INSR: variants seen among roughly 807,000 people sequenced by gnomAD.
INSR encodes the protein IR.
INSR carries 67 observed loss-of-function variants against 142.6 expected under a neutral mutation model. The ratio of observed to expected loss-of-function variants is 0.47; its 90% CI spans 0.39 to 0.58. The LOEUF (loss-of-function observed/expected upper bound fraction) is 0.58. Ranked by LOEUF, INSR falls within the 20% of genes least tolerant of loss-of-function variation. The pLI is 0.00. For missense variants in INSR, 1,248 were observed against 1,833.2 expected, an observed-to-expected ratio of 0.68 and a Z score of 5.83; for synonymous variants, 756 against 743.1, an observed-to-expected ratio of 1.02 and a Z score of -0.28.
chr19:7,229,636 C>T (rs1312083697), intron 2 of INSR, among the ~76,000 whole-genome samples: 1 of 152,080 alleles, frequency 6.6e-6, no homozygotes, highest in Non-Finnish European at 1.5e-5. Flanking sequence ...TTTCCTTTTC[C>T]TTTGCTTCCC....
rs747276964 is a variant in INSR, at chr19:7,112,795, T to G, written c.*4261A>C. 6.6e-6 allele frequency: 1 copy of G among 152,002 alleles called. No homozygotes were observed. Among genetic ancestry groups the G allele is most frequent in the African/African-American group, 2.4e-5 (1 of 41,384 alleles). The allele number at this position is 152,002 out of a possible 1,614,324, so 9.4% of individuals were successfully genotyped here. Reference sequence around the variant, plus strand: ...CCTCACTCCCATTTCTCGGGGACCCTTAAGGAAATATTCACCTTCCATTGC... The same window carrying G: ...CCTCACTCCCATTTCTCGGGGACCCGTAAGGAAATATTCACCTTCCATTGC... On this transcript the variant is annotated 3_prime_UTR_variant, in exon 22 of 22. Coordinates refer to ENST00000302850, the MANE Select transcript of INSR (RefSeq NM_000208.4).
chr19:7,120,960 G>C (rs1015507626), intron 19 of INSR, among the ~76,000 whole-genome samples: 1 of 152,042 alleles, frequency 6.6e-6, no homozygotes, highest in Non-Finnish European at 1.5e-5. Context: ...TTTAAAGGGA[G>C]GGAAAAGAAG....
At chr19:7,158,702 A>G (rs1973675652) in intron 9 of INSR, among the ~76,000 whole-genome samples, 1 of 152,144 alleles carries the variant, frequency 6.6e-6, no homozygotes, top group African/African-American at 2.4e-5. Flanking sequence ...AACCACGGCA[A>G]TGCACTTAAT....
intron 13 of INSR, among the ~76,000 whole-genome samples, chr19:7,135,767 G>A (rs959046433): frequency 6.6e-6 from 1 of 151,890 alleles, no homozygotes; most frequent in Admixed American, 6.6e-5. Flanking sequence ...TCAGGAGTTT[G>A]AGACCAGCCT....
chr19:7,266,707 T>C (rs566183473), intron 2 of INSR, among the ~76,000 whole-genome samples: 41 of 152,102 alleles, frequency 2.7e-4, no homozygotes, highest in African/African-American at 9.9e-4. Context: ...TAATGCCCAA[T>C]AACAGGAATG....
At position 7,278,728 on chromosome 19, in the gene INSR, G is replaced by A. The variant is rs189314302; in HGVS notation, c.101-10832C>T. Among the ~76,000 whole-genome samples, 352 of 151,458 alleles carry A rather than the reference G, an allele frequency of 2.3e-3. 1 individual carries two copies. Among genetic ancestry groups the A allele is most frequent in the African/African-American group, 7.7e-3 (316 of 41,210 alleles). ...ATGAAAATTAGCCTGGTGTGGTGGC[G>A]TGTGCCTGTAATCCCAGCACTTTGG... On this transcript the variant is annotated intron_variant, in intron 1 of 21. Transcript: ENST00000302850.
At chr19:7,233,274 G>A (rs914994719) in intron 2 of INSR, among the ~76,000 whole-genome samples, 2 of 152,108 alleles carry the variant, frequency 1.3e-5, no homozygotes, top group East Asian at 1.9e-4. Context: ...GATTACAGGC[G>A]TGAGCCACCA....
chr19:7,240,627 AAAATCTT>A, intron 2 of INSR, among the ~76,000 whole-genome samples: 1 of 152,298 alleles, frequency 6.6e-6, no homozygotes, highest in Non-Finnish European at 1.5e-5. Context: ...CCCAAAATCC[AAAATCTT>A]AAATGCTCCA....
Position 7,125,986 on chromosome 19 carries a change from T to C in INSR, c.3014-459A>G, listed in dbSNP as rs1288434100. On this transcript the variant is annotated intron_variant, in intron 16 of 21. Coordinates refer to ENST00000302850, the MANE Select transcript of INSR (RefSeq NM_000208.4). This position sits in a 1 kb window ranked among gnomAD's most constrained non-coding sequence, Gnocchi z 4.9. The stretch of plus-strand genomic sequence containing the variant: ...CCACCCCTTGGCCCTGGGCATGGCC[T>C]TGTGAGTTATTTTGGTCAATGGGAA... Among the ~76,000 whole-genome samples the C allele has an allele frequency of 6.6e-6, 1 of 152,132 alleles. No individual in the cohort carries two copies. The highest frequency in any genetic ancestry group is 1.5e-5 in the Non-Finnish European group (1 of 68,024).
chr19:7,198,143 G>A (rs1488973683), intron 2 of INSR, among the ~76,000 whole-genome samples: 1 of 151,908 alleles, frequency 6.6e-6, no homozygotes, highest in Non-Finnish European at 1.5e-5. Context: ...GGAGGCCTCA[G>A]CGCAGCACAA....
intron 5 of INSR, among the ~76,000 whole-genome samples, 187 bp downstream of exon 5, chr19:7,172,103 G>A (rs1052808095): frequency 6.6e-6 from 1 of 151,662 alleles, no homozygotes; most frequent in African/African-American, 2.4e-5. Flanking sequence ...GTAGAGACAG[G>A]GTTTCACCAT....
chr19:7,163,591 A>G (rs1363723722), intron 8 of INSR, among the ~76,000 whole-genome samples: 6 of 151,088 alleles, frequency 4.0e-5, no homozygotes, highest in Admixed American at 4.0e-4. Context: ...GAAAAAAAAA[A>G]CCACCACCAA....
intron 1 of INSR, among the ~76,000 whole-genome samples, chr19:7,284,353 C>T (rs1051560480): frequency 7.9e-5 from 12 of 152,180 alleles, no homozygotes; most frequent in Non-Finnish European, 1.6e-4. Context: ...TGTGAGCCAC[C>T]GTGCCCCGCC....
intron 10 of INSR, among the ~76,000 whole-genome samples, chr19:7,151,819 G>A (rs1275527256): frequency 6.6e-6 from 1 of 152,026 alleles, no homozygotes; most frequent in Non-Finnish European, 1.5e-5. Context: ...TAGAGACAGG[G>A]TCTCACTCTG....
intron 9 of INSR, among the ~76,000 whole-genome samples, chr19:7,154,495 GGTTTCATT>G (rs1394167628): frequency 1.3e-5 from 2 of 149,688 alleles, no homozygotes; most frequent in East Asian, 4.1e-4. Context: ...GTAGAGATGG[GGTTTCATT>G]GTGTTAGCCA....
chr19:7,265,612 G>T (rs911641217), intron 2 of INSR, among the ~76,000 whole-genome samples: 19 of 152,076 alleles, frequency 1.2e-4, no homozygotes, highest in Admixed American at 2.0e-4. Flanking sequence ...GTGGGTGCCT[G>T]TAATCCCAGC....
At chr19:7,193,445 G>T (rs1338765442) in intron 2 of INSR, among the ~76,000 whole-genome samples, 1 of 150,674 alleles carries the variant, frequency 6.6e-6, no homozygotes, top group African/African-American at 2.4e-5. Context: ...CTGGGGAGCG[G>T]AAGTTGCAGT....
chr19:7,272,661 C>G (rs1045307250), intron 1 of INSR, among the ~76,000 whole-genome samples: 1 of 151,980 alleles, frequency 6.6e-6, no homozygotes, highest in African/African-American at 2.4e-5. Flanking sequence ...GAAACAAAAA[C>G]AAAAACAAAC....
rs201259597 is a variant in INSR at position 7,218,507 on chromosome 19, CTGTT to C, written c.653-33874_653-33871del. Among the ~76,000 whole-genome samples the C allele has an allele frequency of 5.0e-3, 751 of 151,570 alleles. 10 individuals are homozygous for C. Among genetic ancestry groups the C allele is most frequent in the African/African-American group, 0.017 (720 of 41,436 alleles). On this transcript the variant is annotated intron_variant, in intron 2 of 21. Transcript: ENST00000302850. ...TTGTTTTTTGTTTTGTTGGTTTTTTCTGTTTGTTTGTTTTGTTGTTTTTTTCTGT... is the reference window on the plus strand; with the variant it reads ...TTGTTTTTTGTTTTGTTGGTTTTTTCTGTTTGTTTTGTTGTTTTTTTCTGT...
Sources: gnomAD v4.1 joint callset for allele counts (sites outside exome capture counted in the v4.1 genomes callset) on GRCh38, gnomAD v4.1.1 for gene constraint, Gnocchi (gnomAD v3.1) non-coding constraint, MANE v1.5 for transcripts, NCBI Gene and HGNC (gene_info 2026-07-23, HGNC 2026-07-21) for gene names.